The following KAZN variants were observed in gnomAD, a reference collection of about 807,000 sequenced individuals.
The protein encoded by KAZN is kazrin, periplakin interacting protein, also known as kazrin.
Under a neutral mutation model 87.4 loss-of-function variants are expected in KAZN, and 40 were observed. The observed-to-expected ratio is 0.46, with a 90% CI of 0.36 to 0.60. The LOEUF is 0.60. Among genes scored for constraint, KAZN ranks in the 20% least tolerant of loss-of-function variants. KAZN has a pLI of 0.00. For synonymous variants in KAZN, 466 were observed against 458.3 expected, an observed-to-expected ratio of 1.02 and a Z score of -0.22; for missense variants, 898 against 1,073.9, an observed-to-expected ratio of 0.84 and a Z score of 2.29.
chr1:14,046,099 T>C (rs1642060440), intron 1 of KAZN, among the ~76,000 whole-genome samples: 1 of 152,150 alleles, frequency 6.6e-6, no homozygotes, highest in Non-Finnish European at 1.5e-5. Context: ...AATCATCTAG[T>C]TGGAAATCAC....
chr1:15,028,902 C>A (rs1385731602), intron 2 of KAZN, among the ~76,000 whole-genome samples: 6 of 152,146 alleles, frequency 3.9e-5, no homozygotes, highest in African/African-American at 1.4e-4. Flanking sequence ...TAACAATAAA[C>A]CCCCAAAATA....
chr1:14,906,300 C>A (rs1384249921), intron 1 of KAZN, among the ~76,000 whole-genome samples: 6 of 152,076 alleles, frequency 3.9e-5, no homozygotes, highest in Non-Finnish European at 8.8e-5. Flanking sequence ...ACATGGTTGC[C>A]CTCAAAGTAT....
chr1:13,936,152 A>C (rs1640736813), intron 1 of KAZN, among the ~76,000 whole-genome samples: 1 of 123,720 alleles, frequency 8.1e-6, no homozygotes. Context: ...GCTGGGGTGC[A>C]ATGGTGCGAT....
intron 1 of KAZN, among the ~76,000 whole-genome samples, chr1:14,164,811 T>C (rs532668908): frequency 6.6e-6 from 1 of 152,232 alleles, no homozygotes; most frequent in Admixed American, 6.5e-5. Context: ...AGTGCTGGGA[T>C]TACAGGCATG....
intron 1 of KAZN, among the ~76,000 whole-genome samples, chr1:14,088,465 C>T (rs1374743244): frequency 6.6e-6 from 1 of 151,804 alleles, no homozygotes; most frequent in African/African-American, 2.4e-5. Context: ...GTTGTTTTGT[C>T]ATAGATTTTT....
At chr1:15,106,497 G>A (rs954663977) in intron 13 of KAZN, among the ~76,000 whole-genome samples, 1 of 152,192 alleles carries the variant, frequency 6.6e-6, no homozygotes, top group African/African-American at 2.4e-5. Context: ...CCACTCATGA[G>A]GTGACAGGTG....
chr1:14,245,137 A>AT (rs539235904), intron 2 of KAZN, among the ~76,000 whole-genome samples: 50 of 151,494 alleles, frequency 3.3e-4, no homozygotes, highest in Middle Eastern at 3.4e-3. Context: ...ATTTTTGTAT[A>AT]TTTTTTTACT....
At chr1:14,345,231 A>G (rs1403354244) in intron 2 of KAZN, among the ~76,000 whole-genome samples, 2 of 152,130 alleles carry the variant, frequency 1.3e-5, no homozygotes, top group South Asian at 2.1e-4. Flanking sequence ...CCCCTCTTCT[A>G]AATCCTTGTT....
intron 2 of KAZN, among the ~76,000 whole-genome samples, chr1:14,217,892 A>G (rs1319641730): frequency 6.6e-6 from 1 of 152,152 alleles, no homozygotes; most frequent in Non-Finnish European, 1.5e-5. Context: ...TAATATATTT[A>G]AGATAATTAA....
chr1:15,103,191 T>C (rs545344542), intron 11 of KAZN, among the ~76,000 whole-genome samples, 168 bp from the exon 12 acceptor site: 2 of 152,118 alleles, frequency 1.3e-5, no homozygotes, highest in Middle Eastern at 3.4e-3. Context: ...TGCTTGAACC[T>C]GGGAGGCGGA....
In KAZN at chr1:14,534,465, C is replaced by T. The variant is rs185917803; in HGVS notation, c.250-64518C>T. On this transcript the variant is annotated intron_variant, in intron 2 of 16. Coordinates refer to the KAZN transcript ENST00000636203. The stretch of plus-strand genomic sequence containing the variant: ...TTCAAGACCAGCCTGGCCAACATGG[C>T]GAAACCCCATCTCTACTAAAAATGC... Among the ~76,000 whole-genome samples, 1,071 of 151,984 alleles carry T rather than the reference C, an allele frequency of 7.0e-3. 8 individuals are homozygous for T. Among genetic ancestry groups the T allele is most frequent in the Non-Finnish European group, 0.011 (769 of 67,944 alleles).
chr1:14,441,003 G>A (rs1316118830), intron 2 of KAZN, among the ~76,000 whole-genome samples: 1 of 152,152 alleles, frequency 6.6e-6, no homozygotes, highest in African/African-American at 2.4e-5. Flanking sequence ...TCATATGCAG[G>A]ACAGAGTATG....
chr1:15,019,862 C>T (rs1305369144), intron 2 of KAZN, among the ~76,000 whole-genome samples: 1 of 152,170 alleles, frequency 6.6e-6, no homozygotes, highest in Non-Finnish European at 1.5e-5. Flanking sequence ...GTTATCATTG[C>T]TGTTGTCATT....
At chr1:14,879,268 T>A (rs566378256) in intron 1 of KAZN, among the ~76,000 whole-genome samples, 1 of 152,212 alleles carries the variant, frequency 6.6e-6, no homozygotes, top group African/African-American at 2.4e-5. Flanking sequence ...ATTCACCATC[T>A]CGTGAGGTGG....
intron 1 of KAZN, among the ~76,000 whole-genome samples, chr1:13,979,549 T>C (rs145983136): frequency 6.6e-6 from 1 of 152,354 alleles, no homozygotes; most frequent in African/African-American, 2.4e-5. Context: ...AGCATGGTTA[T>C]CCAGGAAGGA....
At chr1:14,484,091 C>A (rs981216265) in intron 2 of KAZN, among the ~76,000 whole-genome samples, 1 of 152,088 alleles carries the variant, frequency 6.6e-6, no homozygotes, top group Non-Finnish European at 1.5e-5. Flanking sequence ...GGATTTATTT[C>A]GGAGCTTTCT....
At chr1:14,597,984 C>T (rs1676615853), upstream of KAZN, among the ~76,000 whole-genome samples, 3 of 152,176 alleles carry the variant, frequency 2.0e-5, no homozygotes, top group Admixed American at 6.5e-5. Context: ...GAAGCCCCAT[C>T]GACGCCTTCC....
At chr1:14,200,568 A>G (rs1377472169) in intron 2 of KAZN, among the ~76,000 whole-genome samples, 1 of 152,214 alleles carries the variant, frequency 6.6e-6, no homozygotes, top group East Asian at 1.9e-4. Context: ...CTGCATATGC[A>G]TATGTTATTT....
chr1:14,411,518 A>C (rs4661492), intron 2 of KAZN, among the ~76,000 whole-genome samples: 4 of 151,770 alleles, frequency 2.6e-5, no homozygotes, highest in Non-Finnish European at 5.9e-5. Flanking sequence ...CTGGTCTTGA[A>C]CTCCTTACCT....
Sources: gnomAD v4.1 joint callset for allele counts (sites outside exome capture counted in the v4.1 genomes callset) on GRCh38, gnomAD v4.1.1 for gene constraint, MANE v1.5 for transcripts, NCBI Gene and HGNC (gene_info 2026-07-23, HGNC 2026-07-21) for gene names.